Variants in BTN2A1 observed in about 807,000 individuals in gnomAD.
The protein encoded by BTN2A1 is butyrophilin subfamily 2 member A1.
BTN2A1 carries 41 observed loss-of-function variants against 34.5 expected under a neutral mutation model. The ratio of observed to expected loss-of-function variants is 1.19; its 90% CI spans 0.93 to 1.54. The LOEUF is 1.54. Among genes scored for constraint, BTN2A1 ranks in the 40% most tolerant of loss-of-function variants. BTN2A1 has a pLI of 0.00. For synonymous variants in BTN2A1, 267 were observed against 258.6 expected (o/e 1.03, Z -0.31); for missense variants, 642 against 662.0 (o/e 0.97, Z 0.33).
downstream of BTN2A1, among the ~76,000 whole-genome samples, chr6:26,472,837 C>T (rs577479722): frequency 4.6e-5 from 7 of 152,244 alleles, no homozygotes; most frequent in Admixed American, 3.3e-4. Context: ...GATGCTGGCA[C>T]CCCTACCTGA....
Position 26,459,597 on chromosome 6 carries a change from T to C in BTN2A1, c.199T>C (p.Phe67Leu), listed in dbSNP as rs1259506824. 11 of 1,613,836 alleles carry C rather than the reference T, an allele frequency of 6.8e-6. No homozygotes were observed. In the South Asian group the frequency reaches 7.7e-5, roughly 11 times the overall value. The change falls in exon 3 of 8, where the codon TTC (phenylalanine) becomes CTC (leucine). Residue 67 changes from phenylalanine (F) to leucine (L), a missense_variant. By Grantham distance (22) the Phe-to-Leu change is conservative. Coordinates refer to ENST00000312541, the MANE Select transcript of BTN2A1 (RefSeq NM_007049.5). ...KNAEDMEVRW[F>L]RSQFSPAVFV... ...TGCTGAGGACATGGAGGTGCGGTGG[T>C]TCCGGTCTCAGTTCTCCCCCGCAGT...
intron 7 of BTN2A1, among the ~76,000 whole-genome samples, chr6:26,475,738 T>C (rs1220800610): frequency 6.6e-6 from 1 of 151,638 alleles, no homozygotes; most frequent in Non-Finnish European, 1.5e-5. Context: ...TGAGACTTCA[T>C]CTCTAAAAAA....
chr6:26,473,034 G>T (rs1763477988), downstream of BTN2A1, among the ~76,000 whole-genome samples: 1 of 152,188 alleles, frequency 6.6e-6, no homozygotes, highest in South Asian at 2.1e-4. Flanking sequence ...GTTGAAGGGT[G>T]GGGACCAATC....
exon 8 of BTN2A1, chr6:26,476,508 A>T (rs1482877814): frequency 5.3e-6 from 2 of 373,834 alleles, no homozygotes; most frequent in Non-Finnish European, 1.0e-5. Flanking sequence ...AATATAAAGT[A>T]TAAAAAGAAG....
Position 26,468,210 on chromosome 6 carries a change from G to C in BTN2A1, c.1245G>C (p.Leu415=). 1 of 1,614,238 alleles carries C rather than the reference G, an allele frequency of 6.2e-7. No individual in the cohort carries two copies. Among genetic ancestry groups the C allele is most frequent in the African/African-American group, 1.3e-5 (1 of 75,070 alleles). The part of the protein sequence containing the change: ...DSVERKGEVL[L]IPQNGFWTLE... ...TTGAGAGGAAAGGGGAGGTCCTGCT[G>C]ATTCCTCAGAATGGCTTCTGGACCT... is the stretch of plus-strand genomic sequence containing the variant. Residue 415 remains leucine, a synonymous_variant, in exon 8 of 8, where the codon CTG becomes CTC. Coordinates refer to ENST00000312541, the MANE Select transcript of BTN2A1 (RefSeq NM_007049.5).
rs1763403585 is a variant in BTN2A1 at position 26,469,105 on chromosome 6, A to G, written c.*556A>G. The G allele has an allele frequency of 9.1e-7, 1 of 1,099,832 alleles. No individual in the cohort carries two copies. 68.1% of individuals were successfully genotyped at this position (1,099,832 alleles called of 1,614,324 possible). On this transcript the variant is annotated 3_prime_UTR_variant, in exon 8 of 8. Transcript: ENST00000312541. ...AAGGGGACCTGGGAGATGATGGCTC[A>G]TTTCCACCCAGCCCCAGGATTTCCA...
downstream of BTN2A1, among the ~76,000 whole-genome samples, chr6:26,474,343 C>G (rs56296968): frequency 6.6e-6 from 1 of 152,216 alleles, no homozygotes; most frequent in Admixed American, 6.5e-5. Flanking sequence ...TGTCACTTCC[C>G]TTGTGGAATG....
chr6:26,465,126 C>A, intron 4 of BTN2A1, 59 bp from the exon 5 acceptor site: 1 of 1,451,322 alleles, frequency 6.9e-7, no homozygotes, highest in Non-Finnish European at 9.7e-7. Context: ...CTCCTAGGGG[C>A]ACTCTTACCC....
At position 26,468,186 on chromosome 6, in the gene BTN2A1, T is replaced by G; in HGVS notation, c.1221T>G (p.Val407=). The change falls in exon 8 of 8, where the codon GTT becomes GTG. Residue 407 remains valine, a synonymous_variant. Coordinates refer to ENST00000312541, the MANE Select transcript of BTN2A1 (RefSeq NM_007049.5). The stretch of plus-strand genomic sequence containing the variant: ...CTGTGGGGGTCTGTAGAGACAGTGT[T>G]GAGAGGAAAGGGGAGGTCCTGCTGA... The part of the protein sequence containing the change: ...EWTVGVCRDS[V]ERKGEVLLIP... 1.2e-6 allele frequency: 2 copies of G among 1,614,094 alleles called. No individual in the cohort carries two copies. The highest frequency in any genetic ancestry group is 1.7e-6 in the Non-Finnish European group (2 of 1,180,004).
intron 7 of BTN2A1, among the ~76,000 whole-genome samples, chr6:26,475,471 T>C (rs1184604551): frequency 1.3e-5 from 2 of 152,188 alleles, no homozygotes; most frequent in African/African-American, 4.8e-5. Context: ...TATATGAATA[T>C]GCAATGAACC....
intron 3 of BTN2A1, 82 bp from the exon 4 acceptor site, chr6:26,463,162 A>C (rs1763210880): frequency 7.0e-7 from 1 of 1,429,814 alleles, no homozygotes; most frequent in East Asian, 2.3e-5. Context: ...TTTACTTTCT[A>C]GCTTCACAGA....
chr6:26,466,973 T>C (rs543616220), intron 7 of BTN2A1, among the ~76,000 whole-genome samples: 2 of 152,334 alleles, frequency 1.3e-5, no homozygotes, highest in South Asian at 4.1e-4. Context: ...ATCAGACCCA[T>C]GTTGTTGAAG....
chr6:26,459,934 TC>T, intron 3 of BTN2A1, 106 bp downstream of exon 3: 4 of 273,498 alleles, frequency 1.5e-5, no homozygotes, highest in Non-Finnish European at 2.5e-5. Flanking sequence ...TTGTCTGGAC[TC>T]CCTTTTCCAC....
At chr6:26,462,862 C>T (rs2113859048) in intron 3 of BTN2A1, 3 of 1,279,246 alleles carry the variant, frequency 2.3e-6, no homozygotes, top group Middle Eastern at 2.2e-4. Flanking sequence ...CCAAAACCTG[C>T]CTGTTTGAAG....
rs201789889 is a variant in BTN2A1, at chr6:26,463,232, A to G, written c.431-12A>G. ...CACTGACTTTTGCCTGAACCCTGAT[A>G]TCTCTCCACAGGACTAGGCTCTAAG... On this transcript the variant is annotated splice_polypyrimidine_tract_variant and intron_variant, in intron 3 of 7. Transcript: ENST00000312541. The G allele has an allele frequency of 4.7e-5, 73 of 1,560,406 alleles. No individual in the cohort carries two copies. The African/African-American group carries it at 8.8e-4, about 19-fold the overall frequency.
chr6:26,458,594 T>A lies in BTN2A1; in HGVS notation c.-30-13T>A. 6.2e-7 allele frequency: 1 copy of A among 1,607,482 alleles called. No individual in the cohort carries two copies. Among genetic ancestry groups the A allele is most frequent in the Non-Finnish European group, 8.5e-7 (1 of 1,174,078 alleles). ...GCCAAGACTCCTAGGCTGATTCTCC[T>A]CTGTAACCCTAGGCCTCCTGTCCCT... is the stretch of plus-strand genomic sequence containing the variant. On this transcript the variant is annotated splice_polypyrimidine_tract_variant and intron_variant, in intron 1 of 7. Coordinates refer to ENST00000312541, the MANE Select transcript of BTN2A1 (RefSeq NM_007049.5).
At chr6:26,461,370 C>T (rs888089561) in intron 3 of BTN2A1, among the ~76,000 whole-genome samples, 15 of 152,202 alleles carry the variant, frequency 9.9e-5, no homozygotes, top group Admixed American at 2.0e-4. Context: ...TCATGCTTGC[C>T]TGTATTGAAC....
rs761675347 is a variant in BTN2A1, at chr6:26,468,670, C to T, written c.*121C>T. On this transcript the variant is annotated 3_prime_UTR_variant, in exon 8 of 8. Coordinates refer to ENST00000312541, the MANE Select transcript of BTN2A1 (RefSeq NM_007049.5). The stretch of plus-strand genomic sequence containing the variant: ...TCTGGTCACACAAGAGAACATCTTC[C>T]AGCTGCCTCTTTCACACCCACTACA... 81 of 1,613,490 alleles carry T rather than the reference C, an allele frequency of 5.0e-5. No individual in the cohort carries two copies. The highest frequency in any genetic ancestry group is 6.5e-5 in the Non-Finnish European group (77 of 1,179,996).
intron 2 of BTN2A1, 43 bp from the exon 3 acceptor site, chr6:26,459,438 G>A: frequency 6.3e-7 from 1 of 1,587,328 alleles, no homozygotes; most frequent in African/African-American, 1.3e-5. Context: ...TTAGAGATGT[G>A]ATGGCTGGTG....
Sources: allele counts gnomAD v4.1 joint callset (sites outside exome capture counted in the v4.1 genomes callset), GRCh38; gene constraint gnomAD v4.1.1; transcripts MANE v1.5; gene names NCBI Gene and HGNC (gene_info 2026-07-23, HGNC 2026-07-21).